The following ABCD3 variants were observed in gnomAD, a reference collection of about 807,000 sequenced individuals.
The protein encoded by ABCD3 is ATP-binding cassette sub-family D member 3.
A neutral mutation model predicts 105.5 loss-of-function variants in ABCD3; 41 were observed. That is an observed-to-expected ratio of 0.39 (90% CI 0.30 to 0.50). ABCD3 has a LOEUF of 0.50. ABCD3 is among the 20% of genes least tolerant of loss of function. The probability of loss-of-function intolerance (pLI) is 0.84; values close to 1 mark genes in which losing one functional copy is unlikely to be tolerated. For synonymous variants in ABCD3, 258 were observed against 269.0 expected, an observed-to-expected ratio of 0.96 and a Z score of 0.40; for missense variants, 622 against 806.3, an observed-to-expected ratio of 0.77 and a Z score of 2.77.
intron 1 of ABCD3, among the ~76,000 whole-genome samples, chr1:94,427,194 A>G (rs1402227291): frequency 6.6e-6 from 1 of 151,900 alleles, no homozygotes; most frequent in Non-Finnish European, 1.5e-5. Context: ...CTCTTTTGGG[A>G]TGTTTCTGCT....
At chr1:94,461,827 TA>T (rs1308853433) in intron 2 of ABCD3, among the ~76,000 whole-genome samples, 4 of 152,182 alleles carry the variant, frequency 2.6e-5, no homozygotes, top group Non-Finnish European at 5.9e-5. Flanking sequence ...TTCCTGAAAG[TA>T]AATTTACTGG....
At chr1:94,499,659 A>G in intron 20 of ABCD3, 45 bp downstream of exon 20, 1 of 1,610,576 alleles carries the variant, frequency 6.2e-7, no homozygotes, top group Non-Finnish European at 8.5e-7. Context: ...AACTGGTTCC[A>G]GCATTTTGAT....
chr1:94,477,714 ATTAATGTGTTATTTTGGTTCTAGAG>A, intron 7 of ABCD3, among the ~76,000 whole-genome samples: 1 of 67,428 alleles, frequency 1.5e-5, no homozygotes, highest in African/African-American at 3.3e-5. Context: ...AGAGCAGTAC[ATTAATGTGTTATTTTGGTTCTAGAG>A]ACTTGAGTTT....
upstream of ABCD3, among the ~76,000 whole-genome samples, chr1:94,413,555 C>G (rs772230816): frequency 7.6e-4 from 116 of 152,290 alleles, 1 homozygote; most frequent in Non-Finnish European, 1.5e-3. Context: ...TCTCTTTCCT[C>G]CCAGGAGGCT....
chr1:94,433,436 G>A (rs956564426), intron 1 of ABCD3, among the ~76,000 whole-genome samples: 8 of 151,874 alleles, frequency 5.3e-5, no homozygotes, highest in African/African-American at 1.4e-4. Flanking sequence ...TTACAGGTGT[G>A]AGCCACCACG....
the ABCD3 span, among the ~76,000 whole-genome samples, chr1:94,386,474 A>C: frequency 2.6e-5 from 4 of 152,370 alleles, no homozygotes; most frequent in African/African-American, 9.6e-5. Context: ...AATTTGGCAT[A>C]TATTTGCTAC....
the ABCD3 span, among the ~76,000 whole-genome samples, chr1:94,386,889 T>A: frequency 6.6e-6 from 1 of 152,134 alleles, no homozygotes; most frequent in Admixed American, 6.6e-5. Flanking sequence ...TAAAATTTAC[T>A]GGGTCAATTA....
intron 1 of ABCD3, among the ~76,000 whole-genome samples, chr1:94,442,949 A>G (rs571903580): frequency 2.9e-4 from 44 of 152,162 alleles, no homozygotes; most frequent in African/African-American, 9.6e-4. Flanking sequence ...TCTTTTATAT[A>G]TATATATTTT....
intron 4 of ABCD3, among the ~76,000 whole-genome samples, chr1:94,470,549 TTTC>T (rs1163158642): frequency 3.9e-5 from 6 of 152,166 alleles, no homozygotes; most frequent in African/African-American, 1.4e-4. Flanking sequence ...TGTTTGAAAA[TTTC>T]ACTGAACATT....
chr1:94,455,552 C>T (rs572300700), intron 1 of ABCD3, among the ~76,000 whole-genome samples: 4 of 152,102 alleles, frequency 2.6e-5, no homozygotes, highest in East Asian at 1.9e-4. Context: ...CTCAAACTCC[C>T]GACTTCAGGT....
chr1:94,453,476 G>A (rs1455075258), intron 1 of ABCD3, among the ~76,000 whole-genome samples: 11 of 151,780 alleles, frequency 7.2e-5, no homozygotes, highest in African/African-American at 2.7e-4. Flanking sequence ...CCGCCACCTC[G>A]CCTGGCTAAT....
At chr1:94,392,017 C>T in the ABCD3 span, among the ~76,000 whole-genome samples, 3 of 152,130 alleles carry the variant, frequency 2.0e-5, no homozygotes, top group Admixed American at 2.0e-4. Context: ...GTTACTTGAG[C>T]ATGGAAAGTT....
intron 1 of ABCD3, among the ~76,000 whole-genome samples, chr1:94,441,451 C>T (rs377058808): frequency 2.6e-4 from 37 of 143,012 alleles, no homozygotes; most frequent in African/African-American, 9.1e-4. Context: ...TTGATTATAG[C>T]TAACAAAACT....
chr1:94,475,046 G>T, intron 5 of ABCD3, 97 bp from the exon 6 acceptor site: 1 of 803,654 alleles, frequency 1.2e-6, no homozygotes, highest in Admixed American at 2.3e-5. Context: ...TATAAAAATT[G>T]TAGGATTTGG....
intron 1 of ABCD3, among the ~76,000 whole-genome samples, chr1:94,449,965 G>A (rs1660513486): frequency 6.6e-6 from 1 of 152,082 alleles, no homozygotes; most frequent in Non-Finnish European, 1.5e-5. Flanking sequence ...TCAAAATTTG[G>A]GAAAGAATAA....
chr1:94,420,390 G>T (rs916936790), intron 1 of ABCD3, among the ~76,000 whole-genome samples: 1 of 152,140 alleles, frequency 6.6e-6, no homozygotes, highest in Non-Finnish European at 1.5e-5. Flanking sequence ...AATAGAATTT[G>T]TCTTATTAAA....
At chr1:94,423,752 C>A (rs1267345025) in intron 1 of ABCD3, among the ~76,000 whole-genome samples, 1 of 152,018 alleles carries the variant, frequency 6.6e-6, no homozygotes, top group Admixed American at 6.6e-5. Context: ...AGCCCTGTTG[C>A]CTGCTGCTGG....
intron 6 of ABCD3, 110 bp downstream of exon 6, chr1:94,475,350 C>A: frequency 3.6e-6 from 3 of 837,052 alleles, no homozygotes; most frequent in South Asian, 1.8e-5. Context: ...AAGAAAACCA[C>A]TCTTAGGTAC....
chr1:94,425,875 A>G (rs1659448448), intron 1 of ABCD3, among the ~76,000 whole-genome samples: 1 of 152,198 alleles, frequency 6.6e-6, no homozygotes, highest in South Asian at 2.1e-4. Flanking sequence ...TTAGAGTCAG[A>G]TGTAGGTTCA....
Sources: gnomAD v4.1 joint callset for allele counts (sites outside exome capture counted in the v4.1 genomes callset) on GRCh38, gnomAD v4.1.1 for gene constraint, MANE v1.5 for transcripts, NCBI Gene and HGNC (gene_info 2026-07-23, HGNC 2026-07-21) for gene names.